ARHGAP18: variants seen among roughly 807,000 people sequenced by gnomAD.
ARHGAP18 encodes the protein Rho GTPase activating protein 18.
Under a neutral mutation model 86.2 loss-of-function variants are expected in ARHGAP18, and 67 were observed. The ratio of observed to expected loss-of-function variants is 0.78; its 90% CI spans 0.64 to 0.95. The LOEUF (loss-of-function observed/expected upper bound fraction) is 0.95. ARHGAP18 is among the 40% of genes least tolerant of loss of function. The pLI, the probability that ARHGAP18 is intolerant of heterozygous loss-of-function variation, is 0.00. For synonymous variants in ARHGAP18, 283 were observed against 280.4 expected, an observed-to-expected ratio of 1.01 and a Z score of -0.09; for missense variants, 691 against 780.4, an observed-to-expected ratio of 0.89 and a Z score of 1.37.
intron 12 of ARHGAP18, among the ~76,000 whole-genome samples, chr6:129,594,323 C>G (rs781031232): frequency 1.8e-4 from 27 of 152,302 alleles, no homozygotes; most frequent in Non-Finnish European, 2.9e-4. Flanking sequence ...GCTCTTTTTA[C>G]TTACTTTACT....
At chr6:129,598,391 T>A (rs1285211199) in intron 12 of ARHGAP18, among the ~76,000 whole-genome samples, 1 of 152,172 alleles carries the variant, frequency 6.6e-6, no homozygotes, top group African/African-American at 2.4e-5. Context: ...AACCGAAAAT[T>A]CAGACAAAGG....
At chr6:129,707,064 TAA>T (rs1165380517) in intron 1 of ARHGAP18, among the ~76,000 whole-genome samples, 4 of 140,758 alleles carry the variant, frequency 2.8e-5, no homozygotes, top group Non-Finnish European at 4.7e-5. Flanking sequence ...CCGACTCCAC[TAA>T]AAAAAAAAAA....
intron 1 of ARHGAP18, among the ~76,000 whole-genome samples, chr6:129,671,529 T>C (rs1020057181): frequency 2.0e-5 from 3 of 151,688 alleles, no homozygotes; most frequent in African/African-American, 7.3e-5. Flanking sequence ...CAAGACCTCA[T>C]CTCTATAAAA....
At chr6:129,618,629 C>G (rs1049923892) in intron 6 of ARHGAP18, 58 bp downstream of exon 6, 1 of 1,488,248 alleles carries the variant, frequency 6.7e-7, no homozygotes, top group African/African-American at 1.4e-5. Context: ...TGCAAAAAAG[C>G]CAAGTCCATC....
At chr6:129,634,625 G>C (rs996048195) in intron 3 of ARHGAP18, among the ~76,000 whole-genome samples, 1 of 152,052 alleles carries the variant, frequency 6.6e-6, no homozygotes, top group Non-Finnish European at 1.5e-5. Context: ...AAACCACAGA[G>C]ACACAAAGCT....
intron 1 of ARHGAP18, among the ~76,000 whole-genome samples, chr6:129,649,030 T>C (rs532001494): frequency 7.9e-5 from 12 of 152,260 alleles, no homozygotes; most frequent in Admixed American, 6.5e-4. Context: ...CTGAAGGCAG[T>C]AAGAAGTTGA....
rs1363241611 is a variant in ARHGAP18 at position 129,615,441 on chromosome 6, G to A, written c.1044+771C>T. Among the ~76,000 whole-genome samples, 7 of 152,226 alleles carry A rather than the reference G, an allele frequency of 4.6e-5. No homozygotes were observed. The East Asian group carries it at 1.3e-3, about 29-fold the overall frequency. On this transcript the variant is annotated intron_variant, in intron 7 of 14. Transcript: ENST00000368149. Reference sequence around the variant, plus strand: ...ACGGAATTAATTGACTGGTTTGGAAGAGGGGAAGAATAAGTGCCAAGTAGA... The same window carrying A: ...ACGGAATTAATTGACTGGTTTGGAAAAGGGGAAGAATAAGTGCCAAGTAGA...
intron 1 of ARHGAP18, among the ~76,000 whole-genome samples, chr6:129,691,890 C>T (rs1477337231): frequency 2.6e-5 from 4 of 152,108 alleles, no homozygotes; most frequent in Non-Finnish European, 5.9e-5. Context: ...CTGCTCAGCC[C>T]ACACTGGCTT....
At chr6:129,664,776 G>A (rs12193673) in intron 1 of ARHGAP18, among the ~76,000 whole-genome samples, 79,142 of 152,048 alleles carry the variant, frequency 0.52, 21,457 homozygotes, top group African/African-American at 0.68. Context: ...GAGACAAAAA[G>A]TAAACACAAA....
At chr6:129,592,881 C>G (rs1208206341) in intron 12 of ARHGAP18, among the ~76,000 whole-genome samples, 3 of 152,064 alleles carry the variant, frequency 2.0e-5, no homozygotes. Flanking sequence ...AAGGAAAAAA[C>G]ATGTGGGAGA....
intron 1 of ARHGAP18, among the ~76,000 whole-genome samples, chr6:129,647,673 TAA>T (rs371133047): frequency 4.2e-5 from 6 of 143,880 alleles, no homozygotes; most frequent in Non-Finnish European, 4.6e-5. Flanking sequence ...TTTTAATGTG[TAA>T]AAAAAAAAAA....
chr6:129,648,607 AT>A, intron 1 of ARHGAP18, among the ~76,000 whole-genome samples: 1 of 143,248 alleles, frequency 7.0e-6, no homozygotes, highest in East Asian at 2.1e-4. Flanking sequence ...ACACATCTCT[AT>A]TTAAAAAAAA....
chr6:129,658,510 A>G (rs1269887618), intron 1 of ARHGAP18, among the ~76,000 whole-genome samples: 1 of 152,184 alleles, frequency 6.6e-6, no homozygotes, highest in African/African-American at 2.4e-5. Flanking sequence ...ATGGCATGCA[A>G]TGTGTATAAT....
At chr6:129,660,807 T>C (rs1012354522) in intron 1 of ARHGAP18, among the ~76,000 whole-genome samples, 9 of 152,148 alleles carry the variant, frequency 5.9e-5, no homozygotes, top group Admixed American at 5.2e-4. Context: ...ATAATTAGCA[T>C]ATCCATGAGG....
At chr6:129,674,472 C>T (rs372449020) in intron 1 of ARHGAP18, among the ~76,000 whole-genome samples, 12 of 152,336 alleles carry the variant, frequency 7.9e-5, no homozygotes, top group African/African-American at 2.6e-4. Context: ...TCTCCACGTC[C>T]ATGAGTTCCA....
At chr6:129,618,086 G>T (rs1789133090) in intron 6 of ARHGAP18, among the ~76,000 whole-genome samples, 1 of 149,576 alleles carries the variant, frequency 6.7e-6, no homozygotes, top group South Asian at 2.2e-4. Context: ...TTATTTAATG[G>T]GTAAAGCAAG....
chr6:129,672,589 A>T (rs188991959), intron 1 of ARHGAP18, among the ~76,000 whole-genome samples: 6 of 152,172 alleles, frequency 3.9e-5, no homozygotes, highest in Non-Finnish European at 7.3e-5. Context: ...GTACGATTCT[A>T]TTCAGTGTAG....
intron 12 of ARHGAP18, among the ~76,000 whole-genome samples, chr6:129,585,974 A>G (rs1055163387): frequency 1.3e-5 from 2 of 152,208 alleles, no homozygotes; most frequent in Non-Finnish European, 2.9e-5. Flanking sequence ...AGATACAAGT[A>G]TAATTTCCCT....
At chr6:129,667,087 C>T (rs1562717769) in intron 1 of ARHGAP18, among the ~76,000 whole-genome samples, 1 of 152,072 alleles carries the variant, frequency 6.6e-6, no homozygotes, top group Non-Finnish European at 1.5e-5. Flanking sequence ...AATTATAATA[C>T]ATTTTCATTT....
Sources: allele counts gnomAD v4.1 joint callset (sites outside exome capture counted in the v4.1 genomes callset), GRCh38; gene constraint gnomAD v4.1.1; transcripts MANE v1.5; gene names NCBI Gene and HGNC (gene_info 2026-07-23, HGNC 2026-07-21).